FAM135B: variants seen among roughly 807,000 people sequenced by gnomAD.
FAM135B encodes the protein protein FAM135B.
Under a neutral mutation model 127.7 loss-of-function variants are expected in FAM135B, and 43 were observed. The ratio of observed to expected loss-of-function variants is 0.34; its 90% CI spans 0.26 to 0.43. The LOEUF is 0.43. FAM135B is among the 20% of genes least tolerant of loss of function. The pLI is 1.00. For synonymous variants in FAM135B, 670 were observed against 665.1 expected (o/e 1.01, Z -0.11); for missense variants, 1,558 against 1,725.6 (o/e 0.90, Z 1.72).
intron 1 of FAM135B, among the ~76,000 whole-genome samples, chr8:138,475,964 T>C (rs1814408765): frequency 1.3e-5 from 2 of 152,194 alleles, no homozygotes; most frequent in Admixed American, 6.5e-5. Flanking sequence ...GCAACCAATA[T>C]GTCCTTCAGT....
intron 4 of FAM135B, among the ~76,000 whole-genome samples, chr8:138,257,897 T>TAAAACAAAAC (rs71316331): frequency 1.4e-5 from 2 of 147,508 alleles, no homozygotes; most frequent in Non-Finnish European, 3.0e-5. Context: ...AAAAAAAAAA[T>TAAAACAAAAC]AAAACAAAAC....
At position 138,151,299 on chromosome 8, in the gene FAM135B, G is replaced by A. The variant is rs2130723760; in HGVS notation, c.3176C>T (p.Ser1059Phe). 1 of 1,614,052 alleles carries A rather than the reference G, an allele frequency of 6.2e-7. No individual in the cohort carries two copies. The highest frequency in any genetic ancestry group is 1.1e-5 in the South Asian group (1 of 91,038). ...GGTGATGGGAAACAGGGTCTGTTTG[G>A]AAGAGAATCCAGCCCTGGCAGGGGT... Reference protein sequence around the residue: ...KETPARAGFSSKQTLFPITHQ... With the variant: ...KETPARAGFSFKQTLFPITHQ... The change falls in exon 13 of 20, where the codon TCC becomes TTC. Residue 1059 changes from serine to phenylalanine, a missense_variant. Physicochemically the swap from Ser to Phe is radical, Grantham distance 155. Coordinates refer to ENST00000395297, the MANE Select transcript of FAM135B (RefSeq NM_015912.4).
intron 6 of FAM135B, among the ~76,000 whole-genome samples, chr8:138,246,166 C>T (rs1821266192): frequency 6.6e-6 from 1 of 152,020 alleles, no homozygotes; most frequent in Admixed American, 6.6e-5. Flanking sequence ...CCTGATGATG[C>T]AATAAAAAAG....
At chr8:138,336,476 C>T (rs1023930081) in intron 2 of FAM135B, among the ~76,000 whole-genome samples, 1 of 152,164 alleles carries the variant, frequency 6.6e-6, no homozygotes, top group African/African-American at 2.4e-5. Context: ...ATACTATAAA[C>T]ACCTCTACGC....
intron 9 of FAM135B, among the ~76,000 whole-genome samples, chr8:138,192,062 C>T (rs1391128640): frequency 6.6e-6 from 1 of 152,194 alleles, no homozygotes; most frequent in Non-Finnish European, 1.5e-5. Flanking sequence ...CCTGTTTCTT[C>T]GTCCACTGAA....
chr8:138,284,285 C>T (rs1586964262), intron 3 of FAM135B, among the ~76,000 whole-genome samples: 1 of 152,092 alleles, frequency 6.6e-6, no homozygotes, highest in African/African-American at 2.4e-5. Flanking sequence ...CCCACCACAA[C>T]CTTGTCCGTG....
chr8:138,473,153 G>A (rs1170940062), intron 1 of FAM135B, among the ~76,000 whole-genome samples: 1 of 152,012 alleles, frequency 6.6e-6, no homozygotes, highest in African/African-American at 2.4e-5. Flanking sequence ...ACGACTTAAG[G>A]CCTTGCATTA....
intron 1 of FAM135B, among the ~76,000 whole-genome samples, chr8:138,402,832 C>T (rs189474943): frequency 1.7e-4 from 26 of 152,264 alleles, no homozygotes; most frequent in African/African-American, 6.0e-4. Context: ...AAACAATTCA[C>T]ATGGTAAAGC....
intron 1 of FAM135B, among the ~76,000 whole-genome samples, chr8:138,460,569 G>A (rs1458657842): frequency 6.6e-6 from 1 of 152,148 alleles, no homozygotes; most frequent in Admixed American, 6.5e-5. Flanking sequence ...GTATACATTT[G>A]TGCCTGCTTC....
At chr8:138,433,863 AG>A (rs1369331744) in intron 1 of FAM135B, among the ~76,000 whole-genome samples, 1 of 152,184 alleles carries the variant, frequency 6.6e-6, no homozygotes, top group African/African-American at 2.4e-5. Context: ...CAGGACAGAG[AG>A]GGTGAAGTCT....
intron 5 of FAM135B, among the ~76,000 whole-genome samples, chr8:138,255,866 T>C (rs1403111333): frequency 1.3e-5 from 2 of 151,954 alleles, no homozygotes; most frequent in African/African-American, 4.8e-5. Flanking sequence ...CCTCCACTGT[T>C]CCCCTCCTTA....
intron 1 of FAM135B, chr8:138,439,606 A>G (rs1171981599): frequency 6.6e-6 from 1 of 152,192 alleles, no homozygotes; most frequent in African/African-American, 2.4e-5. Flanking sequence ...ATGAAGCATT[A>G]ACATTAACAG....
intron 7 of FAM135B, among the ~76,000 whole-genome samples, chr8:138,214,758 A>T (rs1475350114): frequency 6.6e-6 from 1 of 152,212 alleles, no homozygotes; most frequent in Non-Finnish European, 1.5e-5. Context: ...GTTGAAGCTG[A>T]GCTTAGACTC....
intron 7 of FAM135B, among the ~76,000 whole-genome samples, chr8:138,208,092 A>G (rs1817839623): frequency 6.6e-6 from 1 of 152,182 alleles, no homozygotes; most frequent in Non-Finnish European, 1.5e-5. Context: ...CACTGAGGTT[A>G]CCACCACTCC....
At chr8:138,429,831 C>A (rs1835098422) in intron 1 of FAM135B, among the ~76,000 whole-genome samples, 1 of 152,060 alleles carries the variant, frequency 6.6e-6, no homozygotes, top group Non-Finnish European at 1.5e-5. Flanking sequence ...TTTTTAACAT[C>A]CAGAAAGCCC....
chr8:138,147,748 A>G (rs551603108), intron 14 of FAM135B, among the ~76,000 whole-genome samples: 1 of 152,154 alleles, frequency 6.6e-6, no homozygotes, highest in African/African-American at 2.4e-5. Context: ...CTCTATCTTT[A>G]TAACATTCCT....
intron 3 of FAM135B, among the ~76,000 whole-genome samples, chr8:138,279,685 G>T (rs1427140431): frequency 6.6e-6 from 1 of 152,196 alleles, no homozygotes; most frequent in East Asian, 1.9e-4. Flanking sequence ...TCTTCCGCCT[G>T]TTTATTCATC....
intron 2 of FAM135B, among the ~76,000 whole-genome samples, chr8:138,323,792 CT>C (rs569538926): frequency 1.3e-5 from 2 of 152,072 alleles, no homozygotes; most frequent in Non-Finnish European, 1.5e-5. Context: ...CTCTCACTGC[CT>C]TTTTTTTCTG....
chr8:138,228,437 T>C (rs1284638232), intron 7 of FAM135B, among the ~76,000 whole-genome samples: 1 of 152,118 alleles, frequency 6.6e-6, no homozygotes, highest in African/African-American at 2.4e-5. Context: ...TGACACCATA[T>C]TCAAGGTTGT....
Sources: gnomAD v4.1 joint callset for allele counts (sites outside exome capture counted in the v4.1 genomes callset) on GRCh38, gnomAD v4.1.1 for gene constraint, MANE v1.5 for transcripts, NCBI Gene and HGNC (gene_info 2026-07-23, HGNC 2026-07-21) for gene names.